PLA2R1: variants seen among roughly 807,000 people sequenced by gnomAD.
The protein encoded by PLA2R1 is phospholipase A2 receptor 1, also known as secretory phospholipase A2 receptor.
PLA2R1 carries 158 observed loss-of-function variants against 195.9 expected under a neutral mutation model. That is an observed-to-expected ratio of 0.81 (90% CI 0.71 to 0.92). PLA2R1 has a LOEUF of 0.92. Among genes scored for constraint, PLA2R1 ranks in the 40% least tolerant of loss-of-function variants. PLA2R1 has a pLI of 0.00. For missense variants in PLA2R1, 1,626 were observed against 1,764.6 expected (o/e 0.92, Z 1.41); for synonymous variants, 586 against 598.2 (o/e 0.98, Z 0.30).
intron 25 of PLA2R1, 108 bp from the exon 26 acceptor site, chr2:159,947,667 A>G: frequency 9.5e-7 from 1 of 1,056,482 alleles, no homozygotes; most frequent in South Asian, 1.4e-5. Context: ...ATGTAACAAG[A>G]TTTTCATGGT....
intron 19 of PLA2R1, among the ~76,000 whole-genome samples, chr2:159,968,965 T>C (rs1688962640): frequency 6.6e-6 from 1 of 152,194 alleles, no homozygotes; most frequent in African/African-American, 2.4e-5. Context: ...TAGAAAAAAG[T>C]ATTTGTCAGG....
rs1560121384 is a variant in PLA2R1 at position 159,935,944 on chromosome 2, A to ATT, written c.*5833_*5834insAA. 9.9e-6 allele frequency: 1 copy of ATT among 100,746 alleles called. No homozygotes were observed. Among genetic ancestry groups the ATT allele is most frequent in the African/African-American group, 3.6e-5 (1 of 28,164 alleles). The allele number at this position is 100,746 out of a possible 1,614,324, so 6.2% of individuals were successfully genotyped here. A position where few individuals can be genotyped will look rare whatever the true frequency, so the allele number is the denominator to read the frequency against. The stretch of plus-strand genomic sequence containing the variant: ...TGCAGTAAAAATATGTATATAAATT[A>ATT]ATTTTTTTTTTTTTTTTTTTTTTTT... On this transcript the variant is annotated 3_prime_UTR_variant, in exon 30 of 30. Transcript: ENST00000283243.
chr2:160,000,123 G>A (rs539856225), intron 11 of PLA2R1, among the ~76,000 whole-genome samples: 16 of 152,176 alleles, frequency 1.1e-4, no homozygotes, highest in African/African-American at 3.6e-4. Context: ...GTTGCATGGA[G>A]ATTTTAAGGG....
intron 9 of PLA2R1, among the ~76,000 whole-genome samples, chr2:160,014,234 CTTT>C (rs5835787): frequency 3.9e-4 from 51 of 129,426 alleles, no homozygotes; most frequent in East Asian, 3.9e-3. Context: ...CTTTTTCTTT[CTTT>C]TTTTTTTTTT....
chr2:159,979,789 G>A (rs1310074651), intron 14 of PLA2R1, 41 bp downstream of exon 14: 5 of 1,214,506 alleles, frequency 4.1e-6, no homozygotes, highest in Non-Finnish European at 6.1e-6. Context: ...AGGCCCACTT[G>A]TTTTGAATCC....
At chr2:159,969,396 T>C (rs765445142) in intron 18 of PLA2R1, 37 bp from the exon 19 acceptor site, 3 of 1,078,250 alleles carry the variant, frequency 2.8e-6, no homozygotes, top group Admixed American at 1.7e-5. Flanking sequence ...TCTTCTCTCA[T>C]TCTGCATGTC....
chr2:159,992,087 A>T (rs1344330767), intron 11 of PLA2R1, among the ~76,000 whole-genome samples: 1 of 141,898 alleles, frequency 7.0e-6, no homozygotes, highest in East Asian at 2.1e-4. Flanking sequence ...CCAACAGTGT[A>T]AAAGTGTTCC....
In PLA2R1 at chr2:159,947,710, A is replaced by T. The variant is rs147319536; in HGVS notation, c.3710-151T>A. ...TGAAAGATTGGGTTTCATGTAAATG[A>T]TTATAAAACTAGGACCAGTTTATAG... On this transcript the variant is annotated intron_variant, in intron 25 of 29. Coordinates refer to ENST00000283243, the MANE Select transcript of PLA2R1 (RefSeq NM_007366.5). 7.8e-3 allele frequency: 5,953 copies of T among 765,850 alleles called. 39 individuals are homozygous for T. Among genetic ancestry groups the T allele is most frequent in the Non-Finnish European group, 0.011 (5,081 of 467,912 alleles). The allele number at this position is 765,850 out of a possible 1,614,324, so 47.4% of individuals were successfully genotyped here.
intron 4 of PLA2R1, 110 bp downstream of exon 4, chr2:160,032,848 GA>G: frequency 1.1e-6 from 1 of 934,898 alleles, no homozygotes; most frequent in South Asian, 1.6e-5. Flanking sequence ...ATTATGGAAA[GA>G]AAAATATTTT....
chr2:159,964,832 A>T (rs1688682599), intron 20 of PLA2R1, among the ~76,000 whole-genome samples: 1 of 152,128 alleles, frequency 6.6e-6, no homozygotes, highest in Non-Finnish European at 1.5e-5. Flanking sequence ...GGAGTTTGAG[A>T]CCAGCCTGGC....
chr2:160,009,797 TG>T (rs1692235984), intron 10 of PLA2R1, among the ~76,000 whole-genome samples: 1 of 152,190 alleles, frequency 6.6e-6, no homozygotes, highest in Non-Finnish European at 1.5e-5. Flanking sequence ...GCTGTAAAAA[TG>T]CTTTAAAATA....
intron 7 of PLA2R1, among the ~76,000 whole-genome samples, chr2:160,021,518 G>C (rs540417343): frequency 6.6e-6 from 1 of 152,340 alleles, no homozygotes; most frequent in Non-Finnish European, 1.5e-5. Flanking sequence ...TCTGCTAAGT[G>C]AAATAACTCA....
At chr2:159,968,644 A>G (rs1688942542) in intron 19 of PLA2R1, among the ~76,000 whole-genome samples, 1 of 152,202 alleles carries the variant, frequency 6.6e-6, no homozygotes, top group Non-Finnish European at 1.5e-5. Context: ...AATGGGTATC[A>G]TTATCTTTTA....
intron 28 of PLA2R1, among the ~76,000 whole-genome samples, chr2:159,944,670 T>C (rs1393120309): frequency 1.3e-5 from 2 of 152,202 alleles, no homozygotes; most frequent in Non-Finnish European, 2.9e-5. Context: ...TCAACCTGGG[T>C]GACACAAGAA....
chr2:159,955,455 A>G, intron 22 of PLA2R1, 109 bp from the exon 23 acceptor site: 1 of 680,752 alleles, frequency 1.5e-6, no homozygotes, highest in Non-Finnish European at 2.4e-6. Flanking sequence ...TTATTCCTTT[A>G]TTCGCATTTA....
chr2:160,052,928 CAAAA>C (rs1233395354), intron 1 of PLA2R1, among the ~76,000 whole-genome samples: 172 of 124,496 alleles, frequency 1.4e-3, no homozygotes, highest in African/African-American at 1.7e-3. Flanking sequence ...AAAAAACAAA[CAAAA>C]AAACAAACAA....
At chr2:159,929,133 A>C (rs1686537254), downstream of PLA2R1, among the ~76,000 whole-genome samples, 1 of 152,246 alleles carries the variant, frequency 6.6e-6, no homozygotes. Context: ...AAATGCAACA[A>C]AAACAAAGAT....
chr2:160,046,421 G>T (rs995246191), intron 1 of PLA2R1, among the ~76,000 whole-genome samples: 2 of 152,164 alleles, frequency 1.3e-5, no homozygotes, highest in African/African-American at 4.8e-5. Context: ...GGCAGAACAG[G>T]TACAGGCAGA....
At chr2:160,038,986 C>G (rs1036794459) in intron 3 of PLA2R1, among the ~76,000 whole-genome samples, 2 of 152,068 alleles carry the variant, frequency 1.3e-5, no homozygotes, top group South Asian at 4.1e-4. Context: ...TCTGCCTTAG[C>G]CTCCTAAGTA....
Sources: gnomAD v4.1 joint callset for allele counts (sites outside exome capture counted in the v4.1 genomes callset) on GRCh38, gnomAD v4.1.1 for gene constraint, MANE v1.5 for transcripts, NCBI Gene and HGNC (gene_info 2026-07-23, HGNC 2026-07-21) for gene names.